The following TTC6 variants were observed in gnomAD, a reference collection of about 807,000 sequenced individuals.
TTC6 encodes the protein tetratricopeptide repeat domain 6.
Under a neutral mutation model 210.4 loss-of-function variants are expected in TTC6, and 172 were observed. The observed-to-expected ratio is 0.82, with a 90% CI of 0.72 to 0.93. The LOEUF (loss-of-function observed/expected upper bound fraction) is 0.93, where lower values mean the gene tolerates loss of function less well. Among genes scored for constraint, TTC6 ranks in the 40% least tolerant of loss-of-function variants. The pLI is 0.00. For synonymous variants in TTC6, 804 were observed against 819.6 expected, an observed-to-expected ratio of 0.98 and a Z score of 0.32; for missense variants, 2,414 against 2,318.1, an observed-to-expected ratio of 1.04 and a Z score of -0.85.
chr14:37,776,023 C>T (rs960837046), intron 14 of TTC6, among the ~76,000 whole-genome samples: 1 of 149,890 alleles, frequency 6.7e-6, no homozygotes, highest in Non-Finnish European at 1.5e-5. Flanking sequence ...TTGCATTTGG[C>T]GTACCACTGG....
intron 14 of TTC6, among the ~76,000 whole-genome samples, chr14:37,758,301 T>C (rs1438678216): frequency 1.3e-5 from 2 of 152,194 alleles, no homozygotes; most frequent in East Asian, 3.8e-4. Context: ...CCCATTATTA[T>C]TGTGTGGGAG....
In TTC6 at chr14:37,608,290, G is replaced by T. The variant is rs190450646; in HGVS notation, c.-155+1548G>T. 6.2e-3 allele frequency among the ~76,000 whole-genome samples: 939 copies of T among 151,826 alleles called. 12 individuals carry two copies. The highest frequency in any genetic ancestry group is 0.022 in the African/African-American group (893 of 41,378). The stretch of plus-strand genomic sequence containing the variant: ...TTTAGCGCTTACAAGTTTTTTTTGT[G>T]TGTGTGTGTGTGTGTGTTTTTGTTG... On this transcript the variant is annotated intron_variant, in intron 2 of 2. Transcript: ENST00000556845.
chr14:37,697,796 C>T (rs1414934008), intron 4 of TTC6, among the ~76,000 whole-genome samples: 1 of 152,088 alleles, frequency 6.6e-6, no homozygotes, highest in Non-Finnish European at 1.5e-5. Flanking sequence ...AGTATTTTAC[C>T]TTCAATAAAT....
chr14:37,739,221 T>C, intron 10 of TTC6, 66 bp downstream of exon 12: 1 of 1,345,276 alleles, frequency 7.4e-7, no homozygotes, highest in South Asian at 1.6e-5. Context: ...AATTTTATAA[T>C]CTCACCCCAT....
rs778085208 is a variant in TTC6 at position 37,693,172 on chromosome 14, A to AACAAATTTAT, written c.1258-3545_1258-3544insACAAATTTAT. ...CCAAAAGACTCCACAAAAAACTATG[A>AACAAATTTAT]GAACTGATAAACAAATTTAGTAAAG... On this transcript the variant is annotated intron_variant, in intron 3 of 30. Coordinates refer to ENST00000553443, the Ensembl canonical transcript of TTC6. Among the ~76,000 whole-genome samples, 1,011 of 152,296 alleles carry AACAAATTTAT rather than the reference A, an allele frequency of 6.6e-3. 39 individuals are homozygous for AACAAATTTAT. The East Asian group carries it at 0.11, about 16-fold the overall frequency.
At chr14:37,702,321 G>T (rs996090875) in intron 5 of TTC6, among the ~76,000 whole-genome samples, 1 of 152,072 alleles carries the variant, frequency 6.6e-6, no homozygotes, top group Non-Finnish European at 1.5e-5. Context: ...CACTTAAAGA[G>T]AATTTTAAGG....
intron 1 of TTC6, among the ~76,000 whole-genome samples, chr14:37,666,059 C>G (rs1046874843): frequency 6.6e-6 from 1 of 150,566 alleles, no homozygotes; most frequent in Non-Finnish European, 1.5e-5. Flanking sequence ...GATTTTAGAT[C>G]ATCCATCTAT....
Position 37,598,249 on chromosome 14 carries a change from G to A in TTC6, c.-235+2241G>A, listed in dbSNP as rs1422890349. On this transcript the variant is annotated intron_variant, in intron 1 of 2. Coordinates refer to the TTC6 transcript ENST00000556845. The surrounding 1 kb of genome is among the most constrained non-coding windows in gnomAD (Gnocchi z 4.9). ...GGGGAGGATGGGTGGACTCGGGGCA[G>A]GGTACCCGCGAGGGCAGGCACGTGG... Among the ~76,000 whole-genome samples, 1 of 152,214 alleles carries A rather than the reference G, an allele frequency of 6.6e-6. No homozygotes were observed. The highest frequency in any genetic ancestry group is 1.9e-4 in the East Asian group (1 of 5,168).
intron 10 of TTC6, among the ~76,000 whole-genome samples, chr14:37,747,984 T>C (rs1468689560): frequency 6.6e-6 from 1 of 152,206 alleles, no homozygotes; most frequent in Non-Finnish European, 1.5e-5. Flanking sequence ...GGTGAAGGGC[T>C]TGATTTGCAT....
chr14:37,720,364 G>T (rs2095859382), intron 6 of TTC6: 1 of 151,996 alleles, frequency 6.6e-6, no homozygotes, highest in African/African-American at 2.4e-5. Context: ...TTGCATGCCT[G>T]GGCGCTTACC....
At chr14:37,719,566 A>AT (rs1188378186) in intron 6 of TTC6, among the ~76,000 whole-genome samples, 1 of 152,116 alleles carries the variant, frequency 6.6e-6, no homozygotes, top group Non-Finnish European at 1.5e-5. Context: ...TGCACAACTG[A>AT]TTTTTTATAA....
At chr14:37,710,407 C>A (rs994350706) in intron 5 of TTC6, among the ~76,000 whole-genome samples, 11 of 152,116 alleles carry the variant, frequency 7.2e-5, no homozygotes, top group Non-Finnish European at 1.2e-4. Flanking sequence ...ACTTCTTTAA[C>A]AGCATCATAC....
chr14:37,627,707 C>T (rs7143740), intron 1 of TTC6, among the ~76,000 whole-genome samples: 2,689 of 152,216 alleles, frequency 0.018, 68 homozygotes, highest in African/African-American at 0.062. Context: ...CTATCACTGA[C>T]GGGCATTAGG....
intron 14 of TTC6, among the ~76,000 whole-genome samples, chr14:37,766,200 T>C (rs1202567496): frequency 6.6e-6 from 1 of 152,194 alleles, no homozygotes. Flanking sequence ...TATGCATATG[T>C]TGGTTGTTTC....
At chr14:37,622,501 C>A in exon 1 of TTC6, 3 of 1,535,290 alleles carry the variant, frequency 2.0e-6, no homozygotes, top group Non-Finnish European at 2.6e-6. Flanking sequence ...TTCGGCACGG[C>A]CAGACCCGTG....
intron 1 of TTC6, among the ~76,000 whole-genome samples, chr14:37,642,612 A>AT (rs1296616323): frequency 6.6e-6 from 1 of 152,226 alleles, no homozygotes; most frequent in African/African-American, 2.4e-5. Flanking sequence ...GGCATGGGTT[A>AT]TATGAGTCCC....
intron 1 of TTC6, among the ~76,000 whole-genome samples, chr14:37,641,825 G>C (rs191690937): frequency 2.6e-5 from 4 of 152,250 alleles, no homozygotes; most frequent in African/African-American, 9.6e-5. Context: ...AGTGTCTAGA[G>C]CTGGGAGGTA....
chr14:37,622,838 C>T (rs1348860946), exon 1 of TTC6: 6 of 1,534,082 alleles, frequency 3.9e-6, no homozygotes, highest in Non-Finnish European at 4.4e-6. Context: ...CGCCCAGCGA[C>T]GCGCGGGAGG....
chr14:37,756,091 T>C (rs192305042), intron 14 of TTC6, among the ~76,000 whole-genome samples: 9 of 152,320 alleles, frequency 5.9e-5, no homozygotes, highest in Non-Finnish European at 2.9e-5. Context: ...TATTCTTAGA[T>C]ATTTTATTCT....
Sources: allele counts gnomAD v4.1 joint callset (sites outside exome capture counted in the v4.1 genomes callset), GRCh38; gene constraint gnomAD v4.1.1; non-coding constraint Gnocchi (gnomAD v3.1); transcripts MANE v1.5; gene names NCBI Gene and HGNC (gene_info 2026-07-23, HGNC 2026-07-21).